SKAP1: variants seen among roughly 807,000 people sequenced by gnomAD.
The protein encoded by SKAP1 is src kinase-associated phosphoprotein 1.
In SKAP1, 44 loss-of-function variants were observed where a neutral mutation model predicts 58.5. That is an observed-to-expected ratio of 0.75 (90% CI 0.59 to 0.97). The LOEUF (loss-of-function observed/expected upper bound fraction) is 0.97, where lower values mean the gene tolerates loss of function less well. SKAP1 is among the 50% of genes least tolerant of loss of function. The pLI is 0.00. For missense variants in SKAP1, 390 were observed against 435.2 expected, an observed-to-expected ratio of 0.90 and a Z score of 0.92; for synonymous variants, 127 against 149.7, an observed-to-expected ratio of 0.85 and a Z score of 1.11.
In SKAP1 at chr17:48,193,652, C is replaced by A. The variant is rs974874526; in HGVS notation, c.281-4152G>T. On this transcript the variant is annotated intron_variant, in intron 4 of 12. Coordinates refer to ENST00000336915, the MANE Select transcript of SKAP1 (RefSeq NM_003726.4). The stretch of plus-strand genomic sequence containing the variant: ...GGAATCCACAGTGGCATGCAAGGTA[C>A]CTCCTCTTTCAGTGTCAGCGCAGGG... The A allele has an allele frequency of 4.1e-6, 4 of 980,190 alleles. No homozygotes were observed. In the African/African-American group the frequency reaches 7.0e-5, roughly 17 times the overall value. The allele number at this position is 980,190 out of a possible 1,614,324, so 60.7% of individuals were successfully genotyped here.
chr17:48,311,160 G>C (rs551400591), intron 4 of SKAP1, among the ~76,000 whole-genome samples: 1 of 152,106 alleles, frequency 6.6e-6, no homozygotes, highest in African/African-American at 2.4e-5. Flanking sequence ...TTCCCGTCTC[G>C]GAGTACAAAT....
chr17:48,222,105 A>C (rs548392587), intron 4 of SKAP1, among the ~76,000 whole-genome samples: 1 of 152,196 alleles, frequency 6.6e-6, no homozygotes, highest in Non-Finnish European at 1.5e-5. Context: ...AACTCTTACC[A>C]CTCTCTCAGA....
chr17:48,417,744 C>CAAAAA (rs57181313), intron 1 of SKAP1, among the ~76,000 whole-genome samples: 2 of 114,500 alleles, frequency 1.7e-5, no homozygotes, highest in African/African-American at 3.0e-5. Context: ...GACTTCGTCT[C>CAAAAA]AAAAAAAAAA....
intron 11 of SKAP1, among the ~76,000 whole-genome samples, chr17:48,142,491 CAAA>C (rs1333912823): frequency 6.6e-6 from 1 of 151,938 alleles, no homozygotes. Context: ...ACAAAACAAA[CAAA>C]AAAACTTGTT....
At chr17:48,265,500 A>AG (rs200951567) in intron 4 of SKAP1, among the ~76,000 whole-genome samples, 11,908 of 119,270 alleles carry the variant, frequency 0.1, 591 homozygotes, top group East Asian at 0.27. Context: ...CAAAAAAAAA[A>AG]AAAGCAAGCA....
At chr17:48,352,114 C>T (rs1424871527) in intron 3 of SKAP1, among the ~76,000 whole-genome samples, 1 of 150,076 alleles carries the variant, frequency 6.7e-6, no homozygotes, top group Non-Finnish European at 1.5e-5. Flanking sequence ...ACTGTCTTCT[C>T]CTCTCCCACC....
intron 4 of SKAP1, among the ~76,000 whole-genome samples, chr17:48,287,535 A>G (rs2065846205): frequency 6.6e-6 from 1 of 152,222 alleles, no homozygotes; most frequent in Non-Finnish European, 1.5e-5. Context: ...TACTAGGCAC[A>G]GAAATTTTTG....
At chr17:48,346,083 C>CATCCT in intron 3 of SKAP1, 77 bp from the exon 4 acceptor site, 2 of 798,502 alleles carry the variant, frequency 2.5e-6, no homozygotes, top group Non-Finnish European at 3.9e-6. Context: ...ATAAAAGGAT[C>CATCCT]TATGTATGAT....
intron 7 of SKAP1, among the ~76,000 whole-genome samples, chr17:48,183,373 G>A (rs1454090713): frequency 6.6e-6 from 1 of 152,098 alleles, no homozygotes. Flanking sequence ...AAGAAAAGAA[G>A]TAAATAAAGT....
At position 48,354,373 on chromosome 17, in the gene SKAP1, T is replaced by TA. The variant is rs1458254031; in HGVS notation, c.179-8368dup. ...TCACATGAAAAAGTATCTCTTTATTTAAAAAAATTACTTTTTAATTGAGGC... is the reference window on the plus strand; with the variant it reads ...TCACATGAAAAAGTATCTCTTTATTTAAAAAAAATTACTTTTTAATTGAGGC... On this transcript the variant is annotated intron_variant, in intron 3 of 12. Coordinates refer to ENST00000336915, the MANE Select transcript of SKAP1 (RefSeq NM_003726.4). Among the ~76,000 whole-genome samples the TA allele has an allele frequency of 7.2e-5, 11 of 152,352 alleles. No homozygotes were observed. The East Asian group carries it at 1.9e-3, about 27-fold the overall frequency.
intron 2 of SKAP1, 30 bp from the exon 3 acceptor site, chr17:48,363,844 A>G (rs1319231650): frequency 6.3e-7 from 1 of 1,598,858 alleles, no homozygotes; most frequent in Non-Finnish European, 8.5e-7. Flanking sequence ...AAAAAAGGGA[A>G]TAAGTCAAAC....
intron 9 of SKAP1, among the ~76,000 whole-genome samples, chr17:48,176,276 C>T (rs965740864): frequency 6.6e-6 from 1 of 152,218 alleles, no homozygotes. Flanking sequence ...CAGCCAGATT[C>T]CGTTGCCATT....
At chr17:48,418,675 A>G (rs193187335) in intron 1 of SKAP1, among the ~76,000 whole-genome samples, 8 of 152,376 alleles carry the variant, frequency 5.3e-5, no homozygotes, top group African/African-American at 1.7e-4. Flanking sequence ...TATTCATGAT[A>G]GCCAAAAACT....
intron 11 of SKAP1, among the ~76,000 whole-genome samples, chr17:48,152,129 T>A (rs1419083565): frequency 1.3e-5 from 2 of 152,236 alleles, no homozygotes; most frequent in Non-Finnish European, 2.9e-5. Flanking sequence ...AATTTGAGAA[T>A]CAATATGATC....
intron 4 of SKAP1, among the ~76,000 whole-genome samples, chr17:48,207,485 C>CAAA (rs11367185): frequency 9.6e-6 from 1 of 103,786 alleles, no homozygotes; most frequent in African/African-American, 4.0e-5. Flanking sequence ...GACTCTGTCT[C>CAAA]AAAAAAAAAA....
At chr17:48,288,116 T>C (rs904391226) in intron 4 of SKAP1, among the ~76,000 whole-genome samples, 21 of 152,210 alleles carry the variant, frequency 1.4e-4, no homozygotes, top group African/African-American at 5.1e-4. Context: ...AATTCTCTAA[T>C]TGATTATTTG....
At chr17:48,143,251 G>A (rs1440087770) in intron 11 of SKAP1, among the ~76,000 whole-genome samples, 1 of 143,904 alleles carries the variant, frequency 6.9e-6, no homozygotes, top group Admixed American at 7.1e-5. Flanking sequence ...CTGAAGTGCA[G>A]TGGCATGATC....
chr17:48,219,035 G>C (rs192979057), intron 4 of SKAP1, among the ~76,000 whole-genome samples: 1 of 152,120 alleles, frequency 6.6e-6, no homozygotes, highest in Admixed American at 6.5e-5. Flanking sequence ...TTTCCTATTA[G>C]TATTTATCTA....
chr17:48,399,513 C>T (rs2067467454), intron 1 of SKAP1, among the ~76,000 whole-genome samples: 1 of 151,958 alleles, frequency 6.6e-6, no homozygotes, highest in Non-Finnish European at 1.5e-5. Context: ...TAATCCCAAC[C>T]TTTTGGGAGG....
Sources: gnomAD v4.1 joint callset for allele counts (sites outside exome capture counted in the v4.1 genomes callset) on GRCh38, gnomAD v4.1.1 for gene constraint, MANE v1.5 for transcripts, NCBI Gene and HGNC (gene_info 2026-07-23, HGNC 2026-07-21) for gene names.